Variants in ENOX1 observed in about 807,000 individuals in gnomAD.
ENOX1 encodes the protein candidate growth-related and time keeping constitutive hydroquinone (NADH) oxidase.
In ENOX1, 42 loss-of-function variants were observed where a neutral mutation model predicts 82.5. The observed-to-expected ratio is 0.51, with a 90% CI of 0.40 to 0.66. The LOEUF is 0.66. ENOX1 is among the 30% of genes least tolerant of loss of function. The pLI, the probability that ENOX1 is intolerant of heterozygous loss-of-function variation, is 0.00. For synonymous variants in ENOX1, 271 were observed against 282.2 expected, an observed-to-expected ratio of 0.96 and a Z score of 0.40; for missense variants, 608 against 811.6, an observed-to-expected ratio of 0.75 and a Z score of 3.05.
intron 2 of ENOX1, among the ~76,000 whole-genome samples, chr13:43,593,159 T>C (rs1396754169): frequency 6.6e-6 from 1 of 152,162 alleles, no homozygotes; most frequent in Non-Finnish European, 1.5e-5. Flanking sequence ...AAGATTGTTG[T>C]CTGGAGTGAC....
At chr13:43,666,462 C>T (rs1253246605) in intron 2 of ENOX1, among the ~76,000 whole-genome samples, 1 of 152,086 alleles carries the variant, frequency 6.6e-6, no homozygotes, top group Non-Finnish European at 1.5e-5. Context: ...GAAACCTGGA[C>T]ATAGACACAG....
chr13:43,659,145 A>C (rs982252134), intron 2 of ENOX1, among the ~76,000 whole-genome samples: 2 of 152,062 alleles, frequency 1.3e-5, no homozygotes, highest in Non-Finnish European at 2.9e-5. Context: ...TTTCATGGTT[A>C]TAATATCATG....
At chr13:43,759,445 C>T (rs2153834823) in intron 1 of ENOX1, among the ~76,000 whole-genome samples, 2 of 152,164 alleles carry the variant, frequency 1.3e-5, no homozygotes, top group Middle Eastern at 6.8e-3. Context: ...AACATATATC[C>T]AAAGAGTCAT....
At chr13:43,342,806 C>T (rs1320217639) in intron 9 of ENOX1, among the ~76,000 whole-genome samples, 1 of 152,212 alleles carries the variant, frequency 6.6e-6, no homozygotes, top group Non-Finnish European at 1.5e-5. Flanking sequence ...GTCCCACATA[C>T]TACACTTTTC....
chr13:43,481,544 T>C (rs1053268298), intron 3 of ENOX1, among the ~76,000 whole-genome samples: 2 of 152,082 alleles, frequency 1.3e-5, no homozygotes, highest in African/African-American at 4.8e-5. Flanking sequence ...ATATAAGATT[T>C]GAAACTACAC....
At chr13:43,358,837 CT>C (rs1026815908) in intron 7 of ENOX1, among the ~76,000 whole-genome samples, 12 of 152,286 alleles carry the variant, frequency 7.9e-5, no homozygotes, top group African/African-American at 2.4e-4. Flanking sequence ...TCATTCTAGG[CT>C]TTGTCTTCCT....
chr13:43,555,062 T>C (rs182733415), intron 2 of ENOX1, among the ~76,000 whole-genome samples: 1 of 152,316 alleles, frequency 6.6e-6, no homozygotes, highest in Non-Finnish European at 1.5e-5. Flanking sequence ...ATCTAAGAGC[T>C]CAAGTGTCAA....
chr13:43,399,605 G>A (rs547699251), intron 5 of ENOX1, among the ~76,000 whole-genome samples: 11 of 152,124 alleles, frequency 7.2e-5, no homozygotes, highest in Non-Finnish European at 1.5e-4. Flanking sequence ...ACACTTCACC[G>A]ATTCTAGAAA....
intron 2 of ENOX1, among the ~76,000 whole-genome samples, chr13:43,568,531 C>T (rs922632648): frequency 1.2e-4 from 18 of 152,110 alleles, no homozygotes; most frequent in African/African-American, 4.3e-4. Context: ...TAAACTGGCC[C>T]ACTCCACTTG....
At chr13:43,245,433 A>G (rs950626784) in intron 14 of ENOX1, among the ~76,000 whole-genome samples, 7 of 152,226 alleles carry the variant, frequency 4.6e-5, no homozygotes, top group Non-Finnish European at 8.8e-5. Flanking sequence ...TAGAGAGGAA[A>G]GAGGAAGCAG....
intron 3 of ENOX1, among the ~76,000 whole-genome samples, chr13:43,456,358 A>C (rs2057228864): frequency 6.6e-6 from 1 of 152,080 alleles, no homozygotes; most frequent in African/African-American, 2.4e-5. Flanking sequence ...ATATATATAC[A>C]TTATATATGA....
intron 12 of ENOX1, among the ~76,000 whole-genome samples, chr13:43,272,904 T>TA (rs1174381137): frequency 6.6e-6 from 1 of 152,212 alleles, no homozygotes; most frequent in Admixed American, 6.5e-5. Flanking sequence ...CCTAGTACTC[T>TA]ACTCAGACTG....
intron 1 of ENOX1, among the ~76,000 whole-genome samples, chr13:43,682,534 C>G (rs1158856497): frequency 6.6e-6 from 1 of 152,062 alleles, no homozygotes; most frequent in Non-Finnish European, 1.5e-5. Context: ...TGCAGGCTGG[C>G]CACCATGGGT....
chr13:43,656,693 C>T (rs530134672), intron 2 of ENOX1, among the ~76,000 whole-genome samples: 1 of 152,276 alleles, frequency 6.6e-6, no homozygotes, highest in Admixed American at 6.5e-5. Context: ...AATTAAAGCA[C>T]CATTGTTTCC....
intron 2 of ENOX1, among the ~76,000 whole-genome samples, chr13:43,600,486 T>C (rs1265928731): frequency 6.6e-6 from 1 of 152,190 alleles, no homozygotes; most frequent in African/African-American, 2.4e-5. Context: ...GGACTTTCCC[T>C]TGTGGCTTGG....
intron 1 of ENOX1, among the ~76,000 whole-genome samples, chr13:43,686,810 G>T (rs1465795772): frequency 6.6e-6 from 1 of 152,142 alleles, no homozygotes; most frequent in Non-Finnish European, 1.5e-5. Context: ...GTATGTCAAA[G>T]AAATGCTGCT....
intron 14 of ENOX1, among the ~76,000 whole-genome samples, chr13:43,249,746 G>A (rs1324887770): frequency 6.6e-6 from 1 of 151,944 alleles, no homozygotes; most frequent in Non-Finnish European, 1.5e-5. Context: ...TGATAAATGA[G>A]AAAGAGAAAG....
intron 2 of ENOX1, among the ~76,000 whole-genome samples, chr13:43,595,613 T>C (rs930873267): frequency 5.9e-5 from 9 of 152,184 alleles, no homozygotes; most frequent in Non-Finnish European, 1.0e-4. Flanking sequence ...ATAGGGTCAA[T>C]GGTAAGAAGA....
chr13:43,482,061 T>A (rs571433178), intron 3 of ENOX1, among the ~76,000 whole-genome samples: 1 of 152,312 alleles, frequency 6.6e-6, no homozygotes, highest in African/African-American at 2.4e-5. Flanking sequence ...TGCAAACTGG[T>A]ACTTCTGCTG....
Sources: allele counts gnomAD v4.1 joint callset (sites outside exome capture counted in the v4.1 genomes callset), GRCh38; gene constraint gnomAD v4.1.1; transcripts MANE v1.5; gene names NCBI Gene and HGNC (gene_info 2026-07-23, HGNC 2026-07-21).